GMPR: variants seen among roughly 807,000 people sequenced by gnomAD.
GMPR encodes GMP reductase 1.
A neutral mutation model predicts 38.4 loss-of-function variants in GMPR; 31 were observed. The observed-to-expected ratio is 0.81, with a 90% CI of 0.61 to 1.09. The LOEUF is 1.09. GMPR is among the 50% of genes least tolerant of loss of function. The pLI, the probability that GMPR is intolerant of heterozygous loss-of-function variation, is 0.00. For missense variants in GMPR, 468 were observed against 453.7 expected (o/e 1.03, Z -0.29); for synonymous variants, 162 against 173.3 (o/e 0.93, Z 0.51).
At chr6:16,271,240 C>T (rs958841310) in intron 4 of GMPR, among the ~76,000 whole-genome samples, 2 of 152,134 alleles carry the variant, frequency 1.3e-5, no homozygotes, top group African/African-American at 4.8e-5. Flanking sequence ...AATCCCAGCA[C>T]TTTGGGAGGC....
intron 4 of GMPR, among the ~76,000 whole-genome samples, chr6:16,267,566 C>T (rs890188446): frequency 3.9e-5 from 6 of 152,146 alleles, no homozygotes; most frequent in African/African-American, 1.4e-4. Context: ...GAAGAAACTC[C>T]GGACACATCT....
chr6:16,239,210 T>G (rs1410532253), intron 1 of GMPR, among the ~76,000 whole-genome samples: 1 of 152,194 alleles, frequency 6.6e-6, no homozygotes, highest in Non-Finnish European at 1.5e-5. Context: ...CTGCTTTCGC[T>G]TCGGGTCCAG....
In GMPR at chr6:16,295,254, A is replaced by C; in HGVS notation, c.*68A>C. On this transcript the variant is annotated 3_prime_UTR_variant, in exon 9 of 9. Transcript: ENST00000259727. ...AACCTGCTTTTCCCATCTCCCCCCA[A>C]GTCTGTTCCGTCAGAGCTTCTGGCT... The C allele has an allele frequency of 1.7e-6, 2 of 1,196,366 alleles. No homozygotes were observed. Among genetic ancestry groups the C allele is most frequent in the Non-Finnish European group, 2.3e-6 (2 of 881,876 alleles). The allele number at this position is 1,196,366 out of a possible 1,614,324, so 74.1% of individuals were successfully genotyped here.
At chr6:16,274,528 T>C (rs1561830786) in intron 5 of GMPR, 32 bp downstream of exon 5, 7 of 1,268,254 alleles carry the variant, frequency 5.5e-6, no homozygotes, top group Non-Finnish European at 8.1e-6. Context: ...GCAGAGGACG[T>C]GTGTGGGGAA....
At chr6:16,253,171 A>G (rs1292343567) in intron 3 of GMPR, among the ~76,000 whole-genome samples, 1 of 152,218 alleles carries the variant, frequency 6.6e-6, no homozygotes, top group Non-Finnish European at 1.5e-5. Context: ...AGATTTAAAC[A>G]TGTACAAGTG....
At chr6:16,264,947 A>G (rs1759161691) in intron 4 of GMPR, among the ~76,000 whole-genome samples, 1 of 152,174 alleles carries the variant, frequency 6.6e-6, no homozygotes, top group Admixed American at 6.5e-5. Context: ...AGGGATTTTT[A>G]GAGAACACCT....
chr6:16,263,516 G>C (rs1292660255), intron 4 of GMPR, among the ~76,000 whole-genome samples: 1 of 151,854 alleles, frequency 6.6e-6, no homozygotes, highest in African/African-American at 2.4e-5. Flanking sequence ...TAGAGACACG[G>C]AGGGAAGGGG....
At chr6:16,244,839 C>T (rs746824806) in intron 1 of GMPR, among the ~76,000 whole-genome samples, 113 of 152,140 alleles carry the variant, frequency 7.4e-4, no homozygotes, top group Non-Finnish European at 1.5e-3. Flanking sequence ...TTAGAATTAA[C>T]GATGGCAAAG....
At chr6:16,275,980 C>T (rs1199028249) in intron 5 of GMPR, among the ~76,000 whole-genome samples, 1 of 151,662 alleles carries the variant, frequency 6.6e-6, no homozygotes, top group Non-Finnish European at 1.5e-5. Context: ...TAGGGTGGAA[C>T]GATCAGCTGA....
rs1345580138 is a variant in GMPR, at chr6:16,254,551, T to C, written c.292-11T>C. 5 of 1,611,666 alleles carry C rather than the reference T, an allele frequency of 3.1e-6. No homozygotes were observed. The South Asian group carries it at 4.4e-5, about 14-fold the overall frequency. ...TGTTTATGCCTGTCTTCTTGGTTTA[T>C]TTTGGTGCAGAATGTAGCCGTGAGT... is the stretch of plus-strand genomic sequence containing the variant. On this transcript the variant is annotated splice_polypyrimidine_tract_variant and intron_variant, in intron 3 of 8. Transcript: ENST00000259727.
rs530809909 is a variant in GMPR, at chr6:16,249,157, C to T, written c.208-1127C>T. ...CCTCTTCCCCGCCATGCAGTTGTTA[C>T]ATTTTGTAATTTTTTTTTTTTTTTT... On this transcript the variant is annotated intron_variant, in intron 2 of 8. Coordinates refer to ENST00000259727, the MANE Select transcript of GMPR (RefSeq NM_006877.4). 2.0e-5 allele frequency among the ~76,000 whole-genome samples: 3 copies of T among 146,926 alleles called. No homozygotes were observed. The South Asian group carries it at 6.5e-4, about 32-fold the overall frequency.
rs143475157 is a variant in GMPR at position 16,295,031 on chromosome 6, G to T, written c.883G>T (p.Val295Phe). The change falls in exon 9 of 9, where the codon GTT becomes TTT. Residue 295 changes from valine (V) to phenylalanine (F), a missense_variant. Val to Phe is a conservative substitution (Grantham distance 50, BLOSUM62 -1). Transcript: ENST00000259727. ...AGCCTCTGAGGGTAAGACTGTGGAA[G>T]TTCCTTACAAAGGAGATGTGGAAAA... ...YRASEGKTVE[V>F]PYKGDVENTI... 11 of 1,609,352 alleles carry T rather than the reference G, an allele frequency of 6.8e-6. No individual in the cohort carries two copies. Among genetic ancestry groups the T allele is most frequent in the Non-Finnish European group, 9.3e-6 (11 of 1,178,044 alleles).
chr6:16,266,873 G>A (rs529557898), intron 4 of GMPR, among the ~76,000 whole-genome samples: 10 of 151,442 alleles, frequency 6.6e-5, no homozygotes, highest in South Asian at 6.3e-4. Context: ...ACCACGAACC[G>A]TCCGGGAGGA....
intron 3 of GMPR, among the ~76,000 whole-genome samples, chr6:16,252,336 T>G (rs988530246): frequency 6.6e-6 from 1 of 152,208 alleles, no homozygotes; most frequent in South Asian, 2.1e-4. Context: ...CTCTGCTCAC[T>G]GCAGCCTCCA....
intron 4 of GMPR, among the ~76,000 whole-genome samples, chr6:16,267,020 C>G (rs911140999): frequency 6.6e-6 from 1 of 151,490 alleles, no homozygotes; most frequent in African/African-American, 2.4e-5. Flanking sequence ...CCTTTAAGAG[C>G]TGTAACACTC....
In GMPR at chr6:16,254,682, T is replaced by G. The variant is rs1166220384; in HGVS notation, c.412T>G (p.Phe138Val). The change falls in exon 4 of 9, where the codon TTT (phenylalanine) becomes GTT (valine). Residue 138 changes from phenylalanine to valine, a missense_variant. By Grantham distance (50) the Phe-to-Val change is conservative. Transcript: ENST00000259727. ...LDVANGYSEH[F>V]VEFVKLVRAK... ...TGTGGCCAATGGGTATTCAGAACAT[T>G]TTGTGGAATTCGTGAAACTTGTCCG... is the stretch of plus-strand genomic sequence containing the variant. 1 of 1,614,016 alleles carries G rather than the reference T, an allele frequency of 6.2e-7. No individual in the cohort carries two copies. The highest frequency in any genetic ancestry group is 8.5e-7 in the Non-Finnish European group (1 of 1,179,878).
intron 4 of GMPR, among the ~76,000 whole-genome samples, chr6:16,271,018 C>A (rs1375597845): frequency 1.3e-5 from 2 of 152,092 alleles, no homozygotes; most frequent in Non-Finnish European, 2.9e-5. Flanking sequence ...AAGGCCCTAT[C>A]TCTGCTTTAA....
intron 4 of GMPR, among the ~76,000 whole-genome samples, chr6:16,266,847 T>G (rs1301225318): frequency 6.6e-6 from 1 of 151,268 alleles, no homozygotes; most frequent in Non-Finnish European, 1.5e-5. Context: ...GTGGCTTCAC[T>G]CCTGAAGTCA....
At chr6:16,290,285 C>T in intron 7 of GMPR, 177 bp from the exon 8 acceptor site, 1 of 667,552 alleles carries the variant, frequency 1.5e-6, no homozygotes, top group Non-Finnish European at 2.7e-6. Flanking sequence ...TTTCTCCCTG[C>T]ATGGAAGCCT....
Sources: allele counts gnomAD v4.1 joint callset (sites outside exome capture counted in the v4.1 genomes callset), GRCh38; gene constraint gnomAD v4.1.1; transcripts MANE v1.5; gene names NCBI Gene and HGNC (gene_info 2026-07-23, HGNC 2026-07-21).